KCNN2: variants seen among roughly 807,000 people sequenced by gnomAD.
KCNN2 encodes small conductance calcium-activated potassium channel protein 2.
KCNN2 carries 24 observed loss-of-function variants against 55.5 expected under a neutral mutation model. The ratio of observed to expected loss-of-function variants is 0.43; its 90% CI spans 0.31 to 0.61. KCNN2 has a LOEUF of 0.61. Among genes scored for constraint, KCNN2 ranks in the 20% least tolerant of loss-of-function variants. KCNN2 has a pLI of 0.08. For synonymous variants in KCNN2, 431 were observed against 336.1 expected (o/e 1.28, Z -3.09); for missense variants, 754 against 853.6 (o/e 0.88, Z 1.45).
intron 5 of KCNN2, among the ~76,000 whole-genome samples, chr5:114,484,006 A>C (rs1453278143): frequency 6.6e-6 from 1 of 152,178 alleles, no homozygotes; most frequent in Non-Finnish European, 1.5e-5. Flanking sequence ...GCAATAATTC[A>C]TCCATTATAT....
At chr5:114,402,489 T>A (rs1758813876) in intron 2 of KCNN2, among the ~76,000 whole-genome samples, 1 of 152,184 alleles carries the variant, frequency 6.6e-6, no homozygotes, top group Admixed American at 6.5e-5. Context: ...GCACAGGAAC[T>A]AGACTATAGG....
intron 2 of KCNN2, among the ~76,000 whole-genome samples, chr5:114,286,535 G>T (rs1183155214): frequency 1.3e-5 from 2 of 152,200 alleles, no homozygotes; most frequent in Non-Finnish European, 2.9e-5. Flanking sequence ...ATGTTTTAGT[G>T]TAGGCTGGGA....
At chr5:114,186,888 A>G (rs1299237309) in intron 1 of KCNN2, among the ~76,000 whole-genome samples, 1 of 152,172 alleles carries the variant, frequency 6.6e-6, no homozygotes, top group East Asian at 1.9e-4. Flanking sequence ...CTACCCAGCC[A>G]TTTTTATAAG....
chr5:114,060,563 A>G (rs1750304724), intron 1 of KCNN2, among the ~76,000 whole-genome samples: 1 of 152,076 alleles, frequency 6.6e-6, no homozygotes. Flanking sequence ...AGTCACAAGG[A>G]CCTCCCTTTC....
chr5:114,208,524 T>A (rs960615991), intron 1 of KCNN2, among the ~76,000 whole-genome samples: 3 of 152,150 alleles, frequency 2.0e-5, no homozygotes, highest in Non-Finnish European at 4.4e-5. Context: ...CCATCTGTCT[T>A]TAGAACAGTA....
chr5:114,417,393 T>C (rs1001096862), intron 3 of KCNN2, among the ~76,000 whole-genome samples: 3 of 152,216 alleles, frequency 2.0e-5, no homozygotes, highest in Admixed American at 6.5e-5. Context: ...GTTTTGCTTT[T>C]AAGATGGGTT....
chr5:114,189,133 A>AGTGTGTGTGTGTGTGTGT (rs34640722), intron 1 of KCNN2, among the ~76,000 whole-genome samples: 25 of 150,002 alleles, frequency 1.7e-4, no homozygotes, highest in Non-Finnish European at 3.1e-4. Context: ...TAGAACCAAT[A>AGTGTGTGTGTGTGTGTGT]GTGTGTGTGT....
chr5:114,122,530 G>A lies in KCNN2; in HGVS notation c.-271+66030G>A, dbSNP rs1040498256. On this transcript the variant is annotated intron_variant, in intron 1 of 10. Transcript: ENST00000512097. ...TTACGTTTTAAAGATCAAACTGCTA[G>A]TATAAGACAAGGCCCTGCAAAATTA... is the stretch of plus-strand genomic sequence containing the variant. 5.3e-5 allele frequency among the ~76,000 whole-genome samples: 8 copies of A among 152,176 alleles called. No individual in the cohort carries two copies. The South Asian group carries it at 1.0e-3, about 20-fold the overall frequency.
chr5:114,072,268 G>A (rs1750588715), intron 1 of KCNN2, among the ~76,000 whole-genome samples: 1 of 151,806 alleles, frequency 6.6e-6, no homozygotes, highest in South Asian at 2.1e-4. Flanking sequence ...CTCCAGCCTG[G>A]GCAACAAGAG....
At chr5:114,320,440 C>T (rs541225875) in intron 2 of KCNN2, among the ~76,000 whole-genome samples, 15 of 151,868 alleles carry the variant, frequency 9.9e-5, no homozygotes, top group Admixed American at 1.3e-4. Flanking sequence ...GGTGAAACAC[C>T]GTCTCTACTA....
chr5:114,236,605 G>A (rs985540423), intron 2 of KCNN2, among the ~76,000 whole-genome samples: 5 of 151,958 alleles, frequency 3.3e-5, no homozygotes, highest in African/African-American at 1.2e-4. Context: ...ACTGACATTA[G>A]GCCATATGTA....
chr5:114,475,639 T>G (rs1194236141), intron 5 of KCNN2, among the ~76,000 whole-genome samples: 1 of 151,960 alleles, frequency 6.6e-6, no homozygotes, highest in Non-Finnish European at 1.5e-5. Context: ...GATTTTAAGC[T>G]TTTCCAGTAC....
chr5:114,082,971 A>G (rs1488551385), intron 1 of KCNN2, among the ~76,000 whole-genome samples: 1 of 152,180 alleles, frequency 6.6e-6, no homozygotes, highest in Non-Finnish European at 1.5e-5. Context: ...AAGAGAAGTT[A>G]TAGAGATGGA....
At chr5:114,355,789 T>C (rs772862603) in intron 2 of KCNN2, among the ~76,000 whole-genome samples, 1 of 152,146 alleles carries the variant, frequency 6.6e-6, no homozygotes, top group Non-Finnish European at 1.5e-5. Flanking sequence ...CCAGTGTCAA[T>C]ATTACCAAAA....
At chr5:114,270,935 G>C (rs1223972952) in intron 2 of KCNN2, among the ~76,000 whole-genome samples, 2 of 152,158 alleles carry the variant, frequency 1.3e-5, no homozygotes, top group Admixed American at 1.3e-4. Context: ...GACCTTTGTG[G>C]TGAGTGTTAC....
intron 2 of KCNN2, among the ~76,000 whole-genome samples, chr5:114,303,486 T>A (rs145068220): frequency 3.6e-4 from 55 of 152,302 alleles, no homozygotes; most frequent in African/African-American, 1.3e-3. Flanking sequence ...AAAATTGGTT[T>A]ATAAAGGCAC....
At chr5:114,373,877 T>C (rs1757852011) in intron 2 of KCNN2, among the ~76,000 whole-genome samples, 1 of 151,282 alleles carries the variant, frequency 6.6e-6, no homozygotes, top group Admixed American at 6.6e-5. Flanking sequence ...TATTAGTTTA[T>C]TAACACTTAA....
At chr5:114,086,749 G>T (rs182668513) in intron 1 of KCNN2, among the ~76,000 whole-genome samples, 3 of 152,190 alleles carry the variant, frequency 2.0e-5, no homozygotes, top group East Asian at 3.9e-4. Context: ...ACACACAAGT[G>T]AATGTGTCTT....
At chr5:114,142,119 G>A (rs1752296429) in intron 1 of KCNN2, among the ~76,000 whole-genome samples, 1 of 152,152 alleles carries the variant, frequency 6.6e-6, no homozygotes, top group South Asian at 2.1e-4. Flanking sequence ...TTGCCGTGCA[G>A]AAGCTGTTTA....
Sources: gnomAD v4.1 joint callset for allele counts (sites outside exome capture counted in the v4.1 genomes callset) on GRCh38, gnomAD v4.1.1 for gene constraint, MANE v1.5 for transcripts, NCBI Gene and HGNC (gene_info 2026-07-23, HGNC 2026-07-21) for gene names.